Variants in SON observed in about 807,000 individuals in gnomAD.
SON encodes protein SON.
A neutral mutation model predicts 173.3 loss-of-function variants in SON; 4 were observed. The observed-to-expected ratio is 0.02, with a 90% CI of 0.01 to 0.05. The LOEUF (loss-of-function observed/expected upper bound fraction) is 0.05, where lower values mean the gene tolerates loss of function less well. SON is among the 10% of genes least tolerant of loss of function. The pLI is 1.00. For synonymous variants in SON, 1,190 were observed against 1,105.9 expected (o/e 1.08, Z -1.51); for missense variants, 2,626 against 3,055.3 (o/e 0.86, Z 3.31).
Position 33,559,254 on chromosome 21 carries a change from AAAG to A in SON, c.6351_6353del (p.Glu2117del), listed in dbSNP as rs760346275. On this transcript the variant is annotated inframe_deletion, in exon 5 of 12. Coordinates refer to ENST00000356577, the MANE Select transcript of SON (RefSeq NM_138927.4). The surrounding 1 kb of genome is among the most constrained non-coding windows in gnomAD (Gnocchi z 4.1). The stretch of plus-strand genomic sequence containing the variant: ...GAAATGTAAACAGATCGCACAGAGT[AAAG>A]AAGATGATGATGTAATAGTGAATAA... The A allele has an allele frequency of 6.2e-7, 1 of 1,600,230 alleles. No homozygotes were observed. Among genetic ancestry groups the A allele is most frequent in the Non-Finnish European group, 8.5e-7 (1 of 1,174,730 alleles).
In SON at chr21:33,553,369, A is replaced by G. The variant is rs2085863174; in HGVS notation, c.4138A>G (p.Thr1380Ala). Reference sequence around the variant, plus strand: ...GACTGTGACTGTCCTGGAGTCTTCGACTGTAACTGTCCTGGAGCCTTCGGT... The same window carrying G: ...GACTGTGACTGTCCTGGAGTCTTCGGCTGTAACTGTCCTGGAGCCTTCGGT... ...SSTVTVLESS[T>A]VTVLEPSVVT... Residue 1380 changes from threonine to alanine, a missense_variant, in exon 3 of 12, where the codon ACT (threonine) becomes GCT (alanine). Thr to Ala is a moderately conservative substitution (Grantham distance 58). Coordinates refer to ENST00000356577, the MANE Select transcript of SON (RefSeq NM_138927.4). 6.2e-7 allele frequency: 1 copy of G among 1,610,530 alleles called. No homozygotes were observed. The highest frequency in any genetic ancestry group is 1.1e-5 in the South Asian group (1 of 91,028).
intron 1 of SON, chr21:33,543,434 G>A: frequency 2.0e-6 from 1 of 503,126 alleles, no homozygotes; most frequent in Middle Eastern, 5.4e-4. Flanking sequence ...CTTCTCCCCT[G>A]TTTGGGTCCC....
chr21:33,547,204 G>A (rs1035839998), intron 2 of SON, among the ~76,000 whole-genome samples: 2 of 151,846 alleles, frequency 1.3e-5, no homozygotes, highest in Admixed American at 6.6e-5. Flanking sequence ...GTCTGGTCTC[G>A]ATCTCTTGAC....
In SON at chr21:33,549,955, C is replaced by A; in HGVS notation, c.724C>A (p.Leu242Met). The A allele has an allele frequency of 1.9e-6, 3 of 1,614,190 alleles. No homozygotes were observed. The highest frequency in any genetic ancestry group is 1.1e-5 in the South Asian group (1 of 91,088). The change falls in exon 3 of 12, where the codon CTG becomes ATG. Residue 242 changes from leucine to methionine, a missense_variant. Physicochemically the swap from Leu to Met is conservative, Grantham distance 15. Coordinates refer to ENST00000356577, the MANE Select transcript of SON (RefSeq NM_138927.4). ...GCCAGAACCATCCATGACAAAGATT[C>A]TGGATTCCTTTGCAGCAGCACCAGT... ...VMPEPSMTKI[L>M]DSFAAAPVPT... is the part of the protein sequence containing the mutation.
Position 33,559,085 on chromosome 21 carries a change from G to C in SON, c.6322-145G>C, listed in dbSNP as rs2086022253. On this transcript the variant is annotated intron_variant, in intron 4 of 11. Transcript: ENST00000356577. The surrounding 1 kb of genome is among the most constrained non-coding windows in gnomAD (Gnocchi z 4.1). ...CCAGCCAGAGTGTGTTTAAATAGTAGTTAATATGCCAAGTTACGTATCTAT... is the reference window on the plus strand; with the variant it reads ...CCAGCCAGAGTGTGTTTAAATAGTACTTAATATGCCAAGTTACGTATCTAT... The C allele has an allele frequency of 1.8e-6, 1 of 549,862 alleles. No individual in the cohort carries two copies. The highest frequency in any genetic ancestry group is 2.0e-5 in the African/African-American group (1 of 50,036). The allele number at this position is 549,862 out of a possible 1,614,324, so 34.1% of individuals were successfully genotyped here.
chr21:33,575,488 G>A, intron 9 of SON, 108 bp from the exon 10 acceptor site: 1 of 629,832 alleles, frequency 1.6e-6, no homozygotes, highest in Non-Finnish European at 2.8e-6. Context: ...CTAGGAATCT[G>A]CTGATTTTAT....
At position 33,553,016 on chromosome 21, in the gene SON, C is replaced by T. The variant is rs144772325; in HGVS notation, c.3785C>T (p.Thr1262Ile). ...PPEPESSITL[T>I]PVESAVVAEE... ...GAGCCAGAATCTTCAATTACGTTAA[C>T]ACCTGTAGAGTCTGCAGTAGTAGCA... The change falls in exon 3 of 12, where the codon ACA becomes ATA. Residue 1262 changes from threonine (T) to isoleucine (I), a missense_variant. Coordinates refer to ENST00000356577, the MANE Select transcript of SON (RefSeq NM_138927.4). The T allele has an allele frequency of 2.4e-5, 38 of 1,614,062 alleles. No individual in the cohort carries two copies. The African/African-American group carries it at 4.7e-4, about 20-fold the overall frequency.
In SON at chr21:33,551,390, C is replaced by T; in HGVS notation, c.2159C>T (p.Thr720Ile). 6.2e-7 allele frequency: 1 copy of T among 1,614,120 alleles called. No individual in the cohort carries two copies. Among genetic ancestry groups the T allele is most frequent in the Non-Finnish European group, 8.5e-7 (1 of 1,179,990 alleles). The change falls in exon 3 of 12, where the codon ACC becomes ATC. Residue 720 changes from threonine to isoleucine, a missense_variant. This residue lies in a region of SON where 182 missense variants were observed against 193.6 expected (regional missense o/e 0.94). Transcript: ENST00000356577. ...APESHILASNTMETHILASNT... is the reference protein window; with the variant it reads ...APESHILASNIMETHILASNT... Reference sequence around the variant, plus strand: ...GAATCCCATATATTAGCTTCTAACACCATGGAGACCCATATATTAGCATCC... The same window carrying T: ...GAATCCCATATATTAGCTTCTAACATCATGGAGACCCATATATTAGCATCC...
At chr21:33,546,149 A>G in intron 1 of SON, 64 bp from the exon 2 acceptor site, 5 of 1,390,104 alleles carry the variant, frequency 3.6e-6, no homozygotes, top group Non-Finnish European at 4.9e-6. Flanking sequence ...ATTGTAATTA[A>G]TTGGATTTTT....
chr21:33,553,349 TGA>T lies in SON; in HGVS notation c.4119_4120del (p.Thr1374CysfsTer25). ...GTGACCGTCCTGGAGTCTTCGACTGTGACTGTCCTGGAGTCTTCGACTGTAAC... is the reference window on the plus strand; with the variant it reads ...GTGACCGTCCTGGAGTCTTCGACTGTCTGTCCTGGAGTCTTCGACTGTAAC... On this transcript the variant is annotated frameshift_variant, in exon 3 of 12. Transcript: ENST00000356577. LOFTEE classifies it high-confidence loss of function. 1 of 1,586,058 alleles carries T rather than the reference TGA, an allele frequency of 6.3e-7. No homozygotes were observed. Among genetic ancestry groups the T allele is most frequent in the Non-Finnish European group, 8.6e-7 (1 of 1,157,412 alleles).
chr21:33,571,163 T>G (rs1271753226), intron 8 of SON, among the ~76,000 whole-genome samples: 2 of 152,190 alleles, frequency 1.3e-5, no homozygotes, highest in African/African-American at 4.8e-5. Flanking sequence ...AAGTAGCACT[T>G]AAAGGAAAAG....
Position 33,552,194 on chromosome 21 carries a change from C to G in SON, c.2963C>G (p.Pro988Arg). The change falls in exon 3 of 12, where the codon CCT becomes CGT. Residue 988 changes from proline (P) to arginine (R), a missense_variant. This residue lies in a region of SON where 366 missense variants were observed against 448.6 expected (regional missense o/e 0.82). Coordinates refer to ENST00000356577, the MANE Select transcript of SON (RefSeq NM_138927.4). This position sits in a 1 kb window ranked among gnomAD's most constrained non-coding sequence, Gnocchi z 5.6. ...GCACCCAGGCCATATAGGTTAGCAC[C>G]TAGACCCCTGATGTTAGCATCTAGA... is the stretch of plus-strand genomic sequence containing the variant. ...RIAPRPYRLA[P>R]RPLMLASRRS... 1 of 1,614,106 alleles carries G rather than the reference C, an allele frequency of 6.2e-7. No homozygotes were observed. Among genetic ancestry groups the G allele is most frequent in the Non-Finnish European group, 8.5e-7 (1 of 1,180,000 alleles).
In SON at chr21:33,569,072, A is replaced by G. The variant is rs750966149; in HGVS notation, c.6870A>G (p.Gln2290=). 2.2e-5 allele frequency: 36 copies of G among 1,601,626 alleles called. No homozygotes were observed. The highest frequency in any genetic ancestry group is 1.7e-4 in the Admixed American group (10 of 59,946). ...TQEQLANTGA[Q]AWIKKDQFLR... is the part of the protein sequence containing the mutation. The stretch of plus-strand genomic sequence containing the variant: ...AACAGTTGGCCAATACTGGTGCCCA[A>G]GCCTGGATTAAAAAGGTACACAGTA... Residue 2290 remains glutamine (Q), a synonymous_variant, in exon 8 of 12, where the codon CAA becomes CAG. Coordinates refer to ENST00000356577, the MANE Select transcript of SON (RefSeq NM_138927.4).
Position 33,552,511 on chromosome 21 carries a change from T to G in SON, c.3280T>G (p.Ser1094Ala), listed in dbSNP as rs1408657685. ...CATGGGTGCTGACCGGTCTATGATGTCGTCATACTCTGCTGCTGACCGGTC... is the reference window on the plus strand; with the variant it reads ...CATGGGTGCTGACCGGTCTATGATGGCGTCATACTCTGCTGCTGACCGGTC... Reference protein sequence around the residue: ...MSMGADRSMMSSYSAADRSMM... With the variant: ...MSMGADRSMMASYSAADRSMM... The change falls in exon 3 of 12, where the codon TCG becomes GCG. Residue 1094 changes from serine (S) to alanine (A), a missense_variant. This residue lies in a region of SON where 366 missense variants were observed against 448.6 expected (regional missense o/e 0.82). Transcript: ENST00000356577. The surrounding 1 kb of genome is among the most constrained non-coding windows in gnomAD (Gnocchi z 5.6). The G allele has an allele frequency of 6.2e-7, 1 of 1,613,956 alleles. No homozygotes were observed. Among genetic ancestry groups the G allele is most frequent in the Non-Finnish European group, 8.5e-7 (1 of 1,179,998 alleles).
In SON at chr21:33,552,722, A is replaced by T. The variant is rs765181968; in HGVS notation, c.3491A>T (p.Glu1164Val). Residue 1164 changes from glutamate to valine, a missense_variant, in exon 3 of 12, where the codon GAG (glutamate) becomes GTG (valine). By Grantham distance (121) the Glu-to-Val change is moderately radical. Coordinates refer to ENST00000356577, the MANE Select transcript of SON (RefSeq NM_138927.4). The surrounding 1 kb of genome is among the most constrained non-coding windows in gnomAD (Gnocchi z 5.6). ...PPTMPPLPPEEPPMTPPLPPE... is the reference protein window; with the variant it reads ...PPTMPPLPPEVPPMTPPLPPE... ...ACAATGCCACCGTTGCCACCTGAGG[A>T]GCCACCAATGACACCACCATTGCCT... 2.5e-6 allele frequency: 4 copies of T among 1,614,020 alleles called. No individual in the cohort carries two copies.
chr21:33,547,545 A>G (rs79704879), intron 2 of SON, among the ~76,000 whole-genome samples: 137 of 152,196 alleles, frequency 9.0e-4, no homozygotes, highest in Middle Eastern at 3.4e-3. Context: ...CTGTGCTTAG[A>G]TTCATGACTC....
At chr21:33,564,878 A>C (rs932096488) in intron 6 of SON, among the ~76,000 whole-genome samples, 2 of 151,796 alleles carry the variant, frequency 1.3e-5, no homozygotes, top group Admixed American at 1.3e-4. Flanking sequence ...AAAAAAAAAA[A>C]AAATGAAACC....
At chr21:33,545,178 A>G (rs1485058164) in intron 1 of SON, among the ~76,000 whole-genome samples, 2 of 152,222 alleles carry the variant, frequency 1.3e-5, no homozygotes, top group Admixed American at 6.5e-5. Flanking sequence ...AAGTTTCTTC[A>G]TTTATAAAAG....
Position 33,552,205 on chromosome 21 carries a change from ATGT to A in SON, c.2976_2978del (p.Met992_Leu993delinsIle). ...ATATAGGTTAGCACCTAGACCCCTG[ATGT>A]TAGCATCTAGACGTTCTATGATGAT... On this transcript the variant is annotated inframe_deletion, in exon 3 of 12. Transcript: ENST00000356577. This position sits in a 1 kb window ranked among gnomAD's most constrained non-coding sequence, Gnocchi z 5.6. 6.2e-7 allele frequency: 1 copy of A among 1,614,154 alleles called. No individual in the cohort carries two copies. The highest frequency in any genetic ancestry group is 2.2e-5 in the East Asian group (1 of 44,880).
Sources: gnomAD v4.1 joint callset for allele counts (sites outside exome capture counted in the v4.1 genomes callset) on GRCh38, gnomAD v4.1.1 for gene constraint, gnomAD v4.1.1 regional missense constraint, Gnocchi (gnomAD v3.1) non-coding constraint, MANE v1.5 for transcripts, NCBI Gene and HGNC (gene_info 2026-07-23, HGNC 2026-07-21) for gene names.